The following GPC5 variants were observed in gnomAD, a reference collection of about 807,000 sequenced individuals.
GPC5 encodes glypican-5.
Under a neutral mutation model 53.9 loss-of-function variants are expected in GPC5, and 47 were observed. The observed-to-expected ratio is 0.87, with a 90% CI of 0.69 to 1.11. The LOEUF (loss-of-function observed/expected upper bound fraction) is 1.11, where lower values mean the gene tolerates loss of function less well. GPC5 is among the 50% of genes most tolerant of loss of function. GPC5 has a pLI of 0.00. For synonymous variants in GPC5, 286 were observed against 263.3 expected (o/e 1.09, Z -0.84); for missense variants, 748 against 713.1 (o/e 1.05, Z -0.56).
At chr13:91,827,385 C>G (rs1350902649) in intron 5 of GPC5, among the ~76,000 whole-genome samples, 1 of 151,866 alleles carries the variant, frequency 6.6e-6, no homozygotes, top group Non-Finnish European at 1.5e-5. Context: ...AATATGCACA[C>G]AGGCACGAAT....
chr13:92,248,538 T>C (rs1243110880), intron 7 of GPC5, among the ~76,000 whole-genome samples: 2 of 152,136 alleles, frequency 1.3e-5, no homozygotes, highest in South Asian at 2.1e-4. Context: ...TACTCTTACA[T>C]TGGGTTGTAG....
chr13:92,608,537 T>G, intron 7 of GPC5, among the ~76,000 whole-genome samples: 1 of 152,294 alleles, frequency 6.6e-6, no homozygotes, highest in South Asian at 2.1e-4. Context: ...TAAATGCATG[T>G]AAGGGGAAAA....
intron 5 of GPC5, among the ~76,000 whole-genome samples, chr13:91,869,658 C>A (rs958068788): frequency 6.6e-6 from 1 of 151,998 alleles, no homozygotes; most frequent in Non-Finnish European, 1.5e-5. Flanking sequence ...TGTATTAGAC[C>A]GTTCTCACAT....
At chr13:92,156,769 G>C (rs1026458827) in intron 7 of GPC5, among the ~76,000 whole-genome samples, 1 of 151,860 alleles carries the variant, frequency 6.6e-6, no homozygotes, top group Admixed American at 6.6e-5. Flanking sequence ...ATAAAATATA[G>C]CATAATAGAT....
At chr13:92,512,249 T>TGCGC (rs141496625) in intron 7 of GPC5, among the ~76,000 whole-genome samples, 43 of 149,576 alleles carry the variant, frequency 2.9e-4, no homozygotes, top group South Asian at 8.6e-4. Context: ...TGTGTGTGTG[T>TGCGC]GCGCGCGCGC....
intron 7 of GPC5, among the ~76,000 whole-genome samples, chr13:92,518,349 A>G (rs2138963709): frequency 1.3e-5 from 2 of 152,336 alleles, no homozygotes; most frequent in South Asian, 4.1e-4. Flanking sequence ...GTTGAAATGA[A>G]GGAAAAAATG....
chr13:91,501,622 C>T (rs1884642313), intron 2 of GPC5, among the ~76,000 whole-genome samples: 2 of 152,188 alleles, frequency 1.3e-5, no homozygotes, highest in South Asian at 2.1e-4. Context: ...ATATGTGCCA[C>T]ATTTTCTTAA....
At chr13:92,298,977 T>C (rs1469582049) in intron 7 of GPC5, among the ~76,000 whole-genome samples, 2 of 152,228 alleles carry the variant, frequency 1.3e-5, no homozygotes, top group Non-Finnish European at 2.9e-5. Flanking sequence ...GCAATAATTT[T>C]TTTGAATAGA....
At chr13:91,478,573 CTGT>C (rs1394422404) in intron 2 of GPC5, among the ~76,000 whole-genome samples, 1 of 151,128 alleles carries the variant, frequency 6.6e-6, no homozygotes, top group Non-Finnish European at 1.5e-5. Context: ...AATATTGTTA[CTGT>C]AAATGATTGA....
chr13:91,453,049 C>A (rs12876030), intron 2 of GPC5, among the ~76,000 whole-genome samples: 1 of 150,610 alleles, frequency 6.6e-6, no homozygotes, highest in African/African-American at 2.4e-5. Flanking sequence ...TTGCTAGAGT[C>A]TAAGTGACAT....
At chr13:91,883,610 G>A (rs1566321245) in intron 5 of GPC5, among the ~76,000 whole-genome samples, 3 of 152,082 alleles carry the variant, frequency 2.0e-5, no homozygotes, top group Admixed American at 6.6e-5. Flanking sequence ...GAACAGCATC[G>A]GGGAAGCCAT....
At chr13:91,635,400 T>C (rs1461563546) in intron 2 of GPC5, among the ~76,000 whole-genome samples, 4 of 152,110 alleles carry the variant, frequency 2.6e-5, no homozygotes, top group African/African-American at 9.7e-5. Flanking sequence ...AGAGGTATTT[T>C]TCAAATTAAT....
chr13:91,556,758 G>A (rs2030979097), intron 2 of GPC5, among the ~76,000 whole-genome samples: 1 of 151,960 alleles, frequency 6.6e-6, no homozygotes, highest in Admixed American at 6.6e-5. Context: ...TCATAAGTGG[G>A]AGCTAAGCTA....
intron 7 of GPC5, among the ~76,000 whole-genome samples, chr13:92,856,920 T>G (rs568340043): frequency 6.6e-6 from 1 of 152,078 alleles, no homozygotes; most frequent in East Asian, 1.9e-4. Flanking sequence ...ATCTATAGAT[T>G]CAATGCTACT....
chr13:91,920,493 A>G (rs1214273306), intron 6 of GPC5, among the ~76,000 whole-genome samples: 2 of 152,238 alleles, frequency 1.3e-5, no homozygotes, highest in Non-Finnish European at 2.9e-5. Flanking sequence ...AGTAATGTCA[A>G]TCATTTTCAG....
chr13:91,990,278 T>C (rs2040445321), intron 6 of GPC5, among the ~76,000 whole-genome samples: 1 of 152,192 alleles, frequency 6.6e-6, no homozygotes, highest in Non-Finnish European at 1.5e-5. Flanking sequence ...AGAGACAATT[T>C]TGTGTCTTTA....
At chr13:91,855,485 G>A (rs1340366962) in intron 5 of GPC5, among the ~76,000 whole-genome samples, 1 of 151,570 alleles carries the variant, frequency 6.6e-6, no homozygotes, top group Non-Finnish European at 1.5e-5. Context: ...TTTAAATGAA[G>A]CATTGTACTT....
chr13:92,577,254 A>G (rs1340386239), intron 7 of GPC5, among the ~76,000 whole-genome samples: 3 of 152,156 alleles, frequency 2.0e-5, no homozygotes, highest in African/African-American at 7.2e-5. Flanking sequence ...AAGATAATTG[A>G]CAAGACCTGC....
intron 2 of GPC5, among the ~76,000 whole-genome samples, chr13:91,653,658 C>T (rs2034774759): frequency 6.6e-6 from 1 of 152,072 alleles, no homozygotes; most frequent in Non-Finnish European, 1.5e-5. Flanking sequence ...GTTGAGAACA[C>T]TTTTCTTCTC....
Sources: allele counts gnomAD v4.1 joint callset (sites outside exome capture counted in the v4.1 genomes callset), GRCh38; gene constraint gnomAD v4.1.1; transcripts MANE v1.5; gene names NCBI Gene and HGNC (gene_info 2026-07-23, HGNC 2026-07-21).